The following BICD1 variants were observed in gnomAD, a reference collection of about 807,000 sequenced individuals.
BICD1 encodes protein bicaudal D homolog 1.
In BICD1, 35 loss-of-function variants were observed where a neutral mutation model predicts 92.5. The observed-to-expected ratio is 0.38, with a 90% CI of 0.29 to 0.50. BICD1 has a LOEUF of 0.50. Ranked by LOEUF, BICD1 falls within the 20% of genes least tolerant of loss-of-function variation. The pLI, the probability that BICD1 is intolerant of heterozygous loss-of-function variation, is 0.93. For synonymous variants in BICD1, 429 were observed against 465.1 expected (o/e 0.92, Z 1.00); for missense variants, 950 against 1,189.8 (o/e 0.80, Z 2.97).
At chr12:32,279,311 T>A (rs1947357441) in intron 2 of BICD1, among the ~76,000 whole-genome samples, 1 of 152,106 alleles carries the variant, frequency 6.6e-6, no homozygotes, top group African/African-American at 2.4e-5. Flanking sequence ...GCGGTGGTGG[T>A]CACAACTATG....
At chr12:32,321,054 A>G (rs1406331244) in intron 4 of BICD1, among the ~76,000 whole-genome samples, 11 of 152,066 alleles carry the variant, frequency 7.2e-5, no homozygotes, top group Non-Finnish European at 1.3e-4. Context: ...GGCCAGGTAC[A>G]GTGGCTCACG....
At chr12:32,335,853 G>C (rs1055188323) in intron 6 of BICD1, among the ~76,000 whole-genome samples, 3 of 152,094 alleles carry the variant, frequency 2.0e-5, no homozygotes, top group African/African-American at 7.2e-5. Context: ...CAAAAGTCCT[G>C]AGATACGGGT....
chr12:32,260,172 G>A (rs1243810726), intron 2 of BICD1, among the ~76,000 whole-genome samples: 2 of 152,062 alleles, frequency 1.3e-5, no homozygotes, highest in East Asian at 3.9e-4. Context: ...TGATCCACCC[G>A]CCTCCGCCTC....
chr12:32,107,317 C>T lies in BICD1; in HGVS notation c.-15C>T. 1 of 1,584,966 alleles carries T rather than the reference C, an allele frequency of 6.3e-7. No individual in the cohort carries two copies. ...CCCACCCCGTAACCCCCTCCTGCCT[C>T]CATCCACCGGGGCTATGGCCGCAGA... On this transcript the variant is annotated 5_prime_UTR_variant, in exon 1 of 10. Transcript: ENST00000652176.
At chr12:32,190,231 G>T (rs1007300037) in intron 1 of BICD1, among the ~76,000 whole-genome samples, 3 of 152,138 alleles carry the variant, frequency 2.0e-5, no homozygotes, top group African/African-American at 7.2e-5. Flanking sequence ...AAATAGTTAA[G>T]CCCTTAACTC....
intron 1 of BICD1, among the ~76,000 whole-genome samples, chr12:32,159,883 A>G (rs541557934): frequency 2.5e-4 from 30 of 119,132 alleles, no homozygotes; most frequent in African/African-American, 8.2e-4. Context: ...AGAAATTACA[A>G]AACTGCCTGC....
At chr12:32,279,209 C>T (rs761014091) in intron 2 of BICD1, among the ~76,000 whole-genome samples, 66 of 152,042 alleles carry the variant, frequency 4.3e-4, no homozygotes, top group Non-Finnish European at 8.4e-4. Context: ...CTGGGACTTG[C>T]GGGGATAGAA....
chr12:32,306,747 G>C (rs951697662), intron 4 of BICD1, among the ~76,000 whole-genome samples: 2 of 151,646 alleles, frequency 1.3e-5, no homozygotes, highest in African/African-American at 4.8e-5. Flanking sequence ...GGGCGCGGTG[G>C]CTTACACCTG....
chr12:32,181,737 T>G lies in BICD1; in HGVS notation c.214-34510T>G, dbSNP rs542348961. 6.6e-4 allele frequency among the ~76,000 whole-genome samples: 100 copies of G among 152,152 alleles called. 1 individual carries two copies. Among genetic ancestry groups the G allele is most frequent in the African/African-American group, 2.2e-3 (90 of 41,560 alleles). On this transcript the variant is annotated intron_variant, in intron 1 of 9. Transcript: ENST00000652176. ...AACATAATTAGATTTTCTGAGCAAC[T>G]GTTGCTTATAATTGGAATTTGCTTA...
intron 8 of BICD1, among the ~76,000 whole-genome samples, chr12:32,358,532 A>AT (rs1939205329): frequency 6.6e-6 from 1 of 151,948 alleles, no homozygotes. Context: ...AGGTCAAGAG[A>AT]TGGAGACCAT....
chr12:32,152,245 G>GT (rs979273353), intron 1 of BICD1, among the ~76,000 whole-genome samples: 9 of 132,500 alleles, frequency 6.8e-5, no homozygotes, highest in African/African-American at 1.8e-4. Context: ...GCAGAGACTA[G>GT]TTTTTTTTAA....
At chr12:32,162,193 C>A (rs1437644245) in intron 1 of BICD1, among the ~76,000 whole-genome samples, 1 of 152,160 alleles carries the variant, frequency 6.6e-6, no homozygotes, top group Non-Finnish European at 1.5e-5. Context: ...CTAAACCACC[C>A]TCAGAAATGT....
At chr12:32,225,625 T>TTGTTTTTTTTTTG (rs1379474366) in intron 2 of BICD1, among the ~76,000 whole-genome samples, 6 of 118,472 alleles carry the variant, frequency 5.1e-5, no homozygotes, top group African/African-American at 2.1e-4. Context: ...TTTTCTGTTT[T>TTGTTTTTTTTTTG]TTTTTTTTTT....
intron 8 of BICD1, among the ~76,000 whole-genome samples, chr12:32,342,192 ATGTG>A (rs1185218186): frequency 1.8e-5 from 2 of 109,986 alleles, no homozygotes; most frequent in African/African-American, 7.7e-5. Context: ...GTATATATAT[ATGTG>A]TGTGTGTGTA....
At chr12:32,126,528 G>A (rs1362297724) in intron 1 of BICD1, among the ~76,000 whole-genome samples, 2 of 151,898 alleles carry the variant, frequency 1.3e-5, no homozygotes, top group African/African-American at 4.8e-5. Flanking sequence ...AGGCCGAGGC[G>A]GGTGGATCAC....
At chr12:32,116,518 A>C (rs1481539794) in intron 1 of BICD1, among the ~76,000 whole-genome samples, 4 of 141,178 alleles carry the variant, frequency 2.8e-5, no homozygotes, top group African/African-American at 1.1e-4. Context: ...CTCTATATAT[A>C]TATATATATA....
chr12:32,227,243 C>G (rs540908162), intron 2 of BICD1, among the ~76,000 whole-genome samples: 59 of 152,320 alleles, frequency 3.9e-4, no homozygotes, highest in Admixed American at 3.3e-3. Flanking sequence ...CCAGGGGCCT[C>G]TCTCTTCCTT....
intron 1 of BICD1, among the ~76,000 whole-genome samples, chr12:32,155,148 GC>G (rs1943402139): frequency 6.6e-6 from 1 of 151,962 alleles, no homozygotes; most frequent in South Asian, 2.1e-4. Context: ...TGTAGATAAG[GC>G]CCTAGAAGCA....
chr12:32,290,002 G>A (rs1033236737), intron 2 of BICD1, among the ~76,000 whole-genome samples: 10 of 152,190 alleles, frequency 6.6e-5, no homozygotes, highest in Non-Finnish European at 1.5e-4. Flanking sequence ...GGAGGATTAG[G>A]CTAAAGTCAA....
Sources: allele counts gnomAD v4.1 joint callset (sites outside exome capture counted in the v4.1 genomes callset), GRCh38; gene constraint gnomAD v4.1.1; transcripts MANE v1.5; gene names NCBI Gene and HGNC (gene_info 2026-07-23, HGNC 2026-07-21).